The following LVRN variants were observed in gnomAD, a reference collection of about 807,000 sequenced individuals.
LVRN encodes aminopeptidase Q.
LVRN carries 99 observed loss-of-function variants against 111.4 expected under a neutral mutation model. That is an observed-to-expected ratio of 0.89 (90% confidence interval 0.76 to 1.05). LVRN has a LOEUF of 1.05. Ranked by LOEUF, LVRN falls within the 50% of genes least tolerant of loss-of-function variation. LVRN has a pLI of 0.00. For synonymous variants in LVRN, 488 were observed against 449.5 expected, an observed-to-expected ratio of 1.09 and a Z score of -1.08; for missense variants, 1,414 against 1,206.8, an observed-to-expected ratio of 1.17 and a Z score of -2.54.
In LVRN at chr5:116,012,468, T is replaced by G; in HGVS notation, c.2342T>G (p.Leu781Arg). ...VLALQDDYLA[L>R]ISLEKLFVTA... ...GCATTACAAGATGACTACTTAGCTCTGTAAGTATGTTTTCAGAAGTGATAA... is the reference window on the plus strand; with the variant it reads ...GCATTACAAGATGACTACTTAGCTCGGTAAGTATGTTTTCAGAAGTGATAA... Residue 781 changes from leucine to arginine, a missense_variant and splice_region_variant, in exon 15 of 20, where the codon CTA (leucine) becomes CGA (arginine). Physicochemically the swap from Leu to Arg is moderately radical, Grantham distance 102 (BLOSUM62 -2). Coordinates refer to ENST00000357872, the MANE Select transcript of LVRN (RefSeq NM_173800.5). 6.6e-7 allele frequency: 1 copy of G among 1,506,988 alleles called. No individual in the cohort carries two copies. The highest frequency in any genetic ancestry group is 9.1e-7 in the Non-Finnish European group (1 of 1,100,954). The allele number at this position is 1,506,988 out of a possible 1,614,324, so 93.4% of individuals were successfully genotyped here.
rs556236705 is a variant in LVRN at position 116,011,731 on chromosome 5, G to C, written c.2248-643G>C. On this transcript the variant is annotated intron_variant, in intron 14 of 19. Coordinates refer to ENST00000357872, the MANE Select transcript of LVRN (RefSeq NM_173800.5). The stretch of plus-strand genomic sequence containing the variant: ...AAGGCACTAAAATTTTGGTGGGATT[G>C]AGGAGGCTCGTTGATAACATCTGAT... Among the ~76,000 whole-genome samples the C allele has an allele frequency of 5.3e-4, 81 of 152,296 alleles. No homozygotes were observed. In the South Asian group the frequency reaches 0.017, roughly 32 times the overall value.
intron 5 of LVRN, among the ~76,000 whole-genome samples, chr5:115,993,264 A>G (rs1179275318): frequency 2.0e-5 from 3 of 151,482 alleles, no homozygotes; most frequent in Non-Finnish European, 4.4e-5. Flanking sequence ...TGCATAACGT[A>G]TGATTACTTG....
At chr5:115,972,737 T>C (rs1214757466) in intron 1 of LVRN, among the ~76,000 whole-genome samples, 1 of 152,110 alleles carries the variant, frequency 6.6e-6, no homozygotes, top group Non-Finnish European at 1.5e-5. Context: ...ATAAGGTTTT[T>C]TTTGGTAGAT....
chr5:116,010,663 A>G lies in LVRN; in HGVS notation c.2094-78A>G, dbSNP rs1748469644. ...CCTTATTGAAGTCATGCATTGAAAC[A>G]TGGAACAAATATCGAACGTATGCAA... is the stretch of plus-strand genomic sequence containing the variant. On this transcript the variant is annotated intron_variant, in intron 13 of 19. Coordinates refer to ENST00000357872, the MANE Select transcript of LVRN (RefSeq NM_173800.5). 20 of 1,452,212 alleles carry G rather than the reference A, an allele frequency of 1.4e-5. No homozygotes were observed. The South Asian group carries it at 2.2e-4, about 16-fold the overall frequency. 90.0% of individuals were successfully genotyped at this position (1,452,212 alleles called of 1,614,324 possible). A position where few individuals can be genotyped will look rare whatever the true frequency, so the allele number is the denominator to read the frequency against.
chr5:116,027,397 A>G lies in LVRN; in HGVS notation c.*1279A>G, dbSNP rs1014879366. On this transcript the variant is annotated 3_prime_UTR_variant, in exon 20 of 20. Coordinates refer to ENST00000357872, the MANE Select transcript of LVRN (RefSeq NM_173800.5). ...ATTTCTTGTATAAGTTAAGGCAGCC[A>G]TAAATGAAAATACAAAACAAACGTT... 6.6e-6 allele frequency: 1 copy of G among 152,206 alleles called. No individual in the cohort carries two copies. The highest frequency in any genetic ancestry group is 1.5e-5 in the Non-Finnish European group (1 of 68,040). 9.4% of individuals were successfully genotyped at this position (152,206 alleles called of 1,614,324 possible).
chr5:115,965,638 G>T (rs1326854772), intron 1 of LVRN, among the ~76,000 whole-genome samples: 1 of 152,112 alleles, frequency 6.6e-6, no homozygotes, highest in African/African-American at 2.4e-5. Flanking sequence ...ATAACCCAGT[G>T]GGAGGTAATT....
intron 19 of LVRN, among the ~76,000 whole-genome samples, chr5:116,024,184 T>C (rs1028102248): frequency 6.6e-6 from 1 of 152,252 alleles, no homozygotes; most frequent in Admixed American, 6.5e-5. Context: ...TGGTCAAAAT[T>C]CATTGACTTT....
intron 3 of LVRN, among the ~76,000 whole-genome samples, 153 bp from the exon 4 acceptor site, chr5:115,987,648 TTCAGGGGTTTTC>T (rs1747895689): frequency 6.6e-6 from 1 of 152,166 alleles, no homozygotes; most frequent in Non-Finnish European, 1.5e-5. Flanking sequence ...GTGAACAGCC[TTCAGGGGTTTTC>T]TCAGGACATG....
At chr5:116,014,950 T>G (rs1025896476) in intron 16 of LVRN, among the ~76,000 whole-genome samples, 1 of 152,176 alleles carries the variant, frequency 6.6e-6, no homozygotes, top group Non-Finnish European at 1.5e-5. Context: ...ACCTTTGATA[T>G]AGCACCTCGG....
chr5:115,969,350 G>A (rs1197510269), intron 1 of LVRN, among the ~76,000 whole-genome samples: 2 of 151,994 alleles, frequency 1.3e-5, no homozygotes, highest in African/African-American at 4.8e-5. Context: ...TTACAGGCAG[G>A]TCCTGAGGTT....
chr5:115,976,820 G>A (rs1012340012), intron 1 of LVRN, among the ~76,000 whole-genome samples: 2 of 152,140 alleles, frequency 1.3e-5, no homozygotes, highest in Non-Finnish European at 1.5e-5. Context: ...CTTAGAGAAT[G>A]CTGGCCCTTT....
At chr5:116,001,333 G>A (rs912254355) in intron 10 of LVRN, 94 bp downstream of exon 10, 16 of 1,382,356 alleles carry the variant, frequency 1.2e-5, no homozygotes, top group African/African-American at 1.5e-5. Context: ...CGTTACCCCC[G>A]CTGGGCATAC....
intron 2 of LVRN, 52 bp from the exon 3 acceptor site, chr5:115,984,518 A>G (rs78947008): frequency 6.3e-7 from 1 of 1,590,570 alleles, no homozygotes; most frequent in East Asian, 2.3e-5. Context: ...TATTTCAAAG[A>G]CATGTAATTG....
intron 7 of LVRN, 46 bp from the exon 8 acceptor site, chr5:116,000,387 G>T: frequency 6.3e-7 from 1 of 1,587,824 alleles, no homozygotes; most frequent in Non-Finnish European, 8.6e-7. Context: ...GTCAGTATGT[G>T]GATATTGAAT....
chr5:116,015,202 G>T (rs772579659), intron 16 of LVRN, 50 bp from the exon 17 acceptor site: 7 of 817,458 alleles, frequency 8.6e-6, no homozygotes, highest in African/African-American at 5.4e-5. Context: ...ATGATAACCT[G>T]GGTAAACATA....
At chr5:116,015,867 C>A in intron 18 of LVRN, 102 bp downstream of exon 18, 1 of 1,378,498 alleles carries the variant, frequency 7.3e-7, no homozygotes, top group Non-Finnish European at 9.8e-7. Flanking sequence ...TCTAGCTAGG[C>A]CACAAACGTC....
Position 116,026,164 on chromosome 5 carries a change from T to G in LVRN, c.*46T>G, listed in dbSNP as rs1246189749. Reference sequence around the variant, plus strand: ...CTCCTCTTGCATATTATAATGTAGTTTGTTCACAGTTTTGTCTTCCAATAC... The same window carrying G: ...CTCCTCTTGCATATTATAATGTAGTGTGTTCACAGTTTTGTCTTCCAATAC... On this transcript the variant is annotated 3_prime_UTR_variant, in exon 20 of 20. Coordinates refer to ENST00000357872, the MANE Select transcript of LVRN (RefSeq NM_173800.5). 1.9e-6 allele frequency: 3 copies of G among 1,609,772 alleles called. No homozygotes were observed. Among genetic ancestry groups the G allele is most frequent in the Non-Finnish European group, 1.7e-6 (2 of 1,178,326 alleles).
chr5:115,974,180 G>T (rs547767984), intron 1 of LVRN, among the ~76,000 whole-genome samples: 2 of 152,126 alleles, frequency 1.3e-5, no homozygotes, highest in African/African-American at 2.4e-5. Context: ...TGATACTACA[G>T]ATATTGCAGA....
chr5:115,963,130 G>A lies in LVRN; in HGVS notation c.513G>A (p.Val171=). ...CCCCGGGCACTGGGAACGCCACAGT[G>A]GGCCGCGTGCCCGTGGACGACGTGT... ...PLSPGTGNAT[V]GRVPVDDVWF... is the part of the protein sequence containing the mutation. The change falls in exon 1 of 20, where the codon GTG becomes GTA. Residue 171 remains valine (V), a synonymous_variant. Transcript: ENST00000357872. The A allele has an allele frequency of 6.2e-7, 1 of 1,613,470 alleles. No homozygotes were observed. The highest frequency in any genetic ancestry group is 8.5e-7 in the Non-Finnish European group (1 of 1,179,928).
Sources: allele counts gnomAD v4.1 joint callset (sites outside exome capture counted in the v4.1 genomes callset), GRCh38; gene constraint gnomAD v4.1.1; transcripts MANE v1.5; gene names NCBI Gene and HGNC (gene_info 2026-07-23, HGNC 2026-07-21).